ST3GAL3: variants seen among roughly 807,000 people sequenced by gnomAD.
The protein encoded by ST3GAL3 is ST3 beta-galactoside alpha-2,3-sialyltransferase 3.
A neutral mutation model predicts 50.1 loss-of-function variants in ST3GAL3; 21 were observed. The ratio of observed to expected loss-of-function variants is 0.42; its 90% CI spans 0.30 to 0.60. The LOEUF (loss-of-function observed/expected upper bound fraction) is 0.60. Among genes scored for constraint, ST3GAL3 ranks in the 20% least tolerant of loss-of-function variants. The probability of loss-of-function intolerance (pLI) is 0.19; values close to 1 mark genes in which losing one functional copy is unlikely to be tolerated. For missense variants in ST3GAL3, 353 were observed against 489.4 expected, an observed-to-expected ratio of 0.72 and a Z score of 2.63; for synonymous variants, 183 against 190.0, an observed-to-expected ratio of 0.96 and a Z score of 0.30.
chr1:43,819,367 A>C (rs916202649), intron 4 of ST3GAL3: 20 of 152,244 alleles, frequency 1.3e-4, no homozygotes, highest in African/African-American at 4.8e-4. Flanking sequence ...TGCTGGAATT[A>C]TAGGCGTGAG....
At chr1:43,869,776 T>G (rs2072202946) in intron 5 of ST3GAL3, among the ~76,000 whole-genome samples, 1 of 152,182 alleles carries the variant, frequency 6.6e-6, no homozygotes, top group East Asian at 1.9e-4. Flanking sequence ...GTTTCCTTTC[T>G]CTTTATCTTC....
At chr1:43,903,337 C>T (rs783301) in intron 9 of ST3GAL3, among the ~76,000 whole-genome samples, 14,540 of 152,234 alleles carry the variant, frequency 0.096, 913 homozygotes, top group South Asian at 0.23. Context: ...GCCTCCCATC[C>T]CCATCCCTCA....
rs543722174 is a variant in ST3GAL3, at chr1:43,795,304, T to C, written c.166+3155T>C. 2.0e-5 allele frequency among the ~76,000 whole-genome samples: 3 copies of C among 152,318 alleles called. No homozygotes were observed. In the South Asian group the frequency reaches 6.2e-4, roughly 32 times the overall value. ...CAAAGAATGAGAATTCAGACATTTT[T>C]CCACTGATTCCCTCTTAGTGGAAGA... On this transcript the variant is annotated intron_variant, in intron 3 of 11. Transcript: ENST00000347631.
intron 1 of ST3GAL3, among the ~76,000 whole-genome samples, chr1:43,735,166 T>G (rs558724337): frequency 6.6e-6 from 1 of 152,052 alleles, no homozygotes; most frequent in Non-Finnish European, 1.5e-5. Flanking sequence ...TCAGAGGAGT[T>G]GAGAATTGAA....
intron 5 of ST3GAL3, chr1:43,850,382 A>C: frequency 3.6e-6 from 2 of 557,890 alleles, no homozygotes; most frequent in South Asian, 2.9e-5. Flanking sequence ...CCTGGTATTT[A>C]TGCCCTGCTA....
chr1:43,779,941 C>A (rs1698810664), intron 2 of ST3GAL3, among the ~76,000 whole-genome samples: 1 of 152,148 alleles, frequency 6.6e-6, no homozygotes, highest in South Asian at 2.1e-4. Context: ...TTGAAGAACT[C>A]TCTTTGGGAG....
chr1:43,726,523 G>A (rs1571512953), intron 1 of ST3GAL3, among the ~76,000 whole-genome samples: 1 of 152,174 alleles, frequency 6.6e-6, no homozygotes, highest in South Asian at 2.1e-4. Context: ...TTGGCCTCAT[G>A]TGATCCTCCT....
Position 43,851,449 on chromosome 1 carries a change from G to A in ST3GAL3, c.302+13138G>A, listed in dbSNP as rs369560077. 1.9e-4 allele frequency: 300 copies of A among 1,610,426 alleles called. No homozygotes were observed. In the East Asian group the frequency reaches 3.1e-3, roughly 17 times the overall value. ...TTATAGGCCTGCAGGGCTCGCTTCT[G>A]ACAGAGGGTCTCCAGCTCATGAGTA... On this transcript the variant is annotated intron_variant, in intron 5 of 11. Coordinates refer to ENST00000347631, the MANE Select transcript of ST3GAL3 (RefSeq NM_006279.5).
At chr1:43,929,685 G>A (rs908178745) in intron 11 of ST3GAL3, among the ~76,000 whole-genome samples, 2 of 152,144 alleles carry the variant, frequency 1.3e-5, no homozygotes, top group Non-Finnish European at 2.9e-5. Flanking sequence ...TTCATCCGCC[G>A]CCCCCAGGCC....
At chr1:43,812,897 C>T (rs1216672901) in intron 3 of ST3GAL3, among the ~76,000 whole-genome samples, 1 of 151,564 alleles carries the variant, frequency 6.6e-6, no homozygotes, top group African/African-American at 2.4e-5. Context: ...GTGTGTGAAA[C>T]AAAACAAAAC....
chr1:43,899,644 G>A lies in ST3GAL3; in HGVS notation c.661G>A (p.Glu221Lys). 2 of 1,614,148 alleles carry A rather than the reference G, an allele frequency of 1.2e-6. No homozygotes were observed. The highest frequency in any genetic ancestry group is 1.1e-5 in the South Asian group (1 of 91,078). Residue 221 changes from glutamate (E) to lysine (K), a missense_variant, in exon 9 of 12, where the codon GAG (glutamate) becomes AAG (lysine). Transcript: ENST00000347631. The surrounding 1 kb of genome is among the most constrained non-coding windows in gnomAD (Gnocchi z 5.4). The stretch of plus-strand genomic sequence containing the variant: ...CGCCATGCAGCGGCCTGAGCAGTAC[G>A]AGCGCGATTCTCTCTTTGTCCTCGC... ...EGAMQRPEQYERDSLFVLAGF... is the reference protein window; with the variant it reads ...EGAMQRPEQYKRDSLFVLAGF...
chr1:43,829,678 T>C (rs2063273643), intron 4 of ST3GAL3, among the ~76,000 whole-genome samples: 1 of 152,220 alleles, frequency 6.6e-6, no homozygotes, highest in African/African-American at 2.4e-5. Context: ...TATCCTCGGC[T>C]GAGAATGCCC....
At chr1:43,743,075 C>T (rs764240292) in intron 2 of ST3GAL3, among the ~76,000 whole-genome samples, 70 of 120,112 alleles carry the variant, frequency 5.8e-4, no homozygotes, top group Non-Finnish European at 6.8e-4. Context: ...GGTGACAGAG[C>T]GAGACTCCGT....
intron 5 of ST3GAL3, among the ~76,000 whole-genome samples, chr1:43,870,168 A>T (rs2154245149): frequency 6.6e-6 from 1 of 152,358 alleles, no homozygotes; most frequent in African/African-American, 2.4e-5. Flanking sequence ...CTTCATCTGT[A>T]AATTAGGGGG....
At position 43,917,665 on chromosome 1, in the gene ST3GAL3, T is replaced by TA. The variant is rs1319149687; in HGVS notation, c.745-2738dup. Reference sequence around the variant, plus strand: ...ATAATATATAATATAATATATAATATATATTATATATATATATATTTTAAA... The same window carrying TA: ...ATAATATATAATATAATATATAATATAATATTATATATATATATATTTTAAA... On this transcript the variant is annotated intron_variant, in intron 9 of 11. Transcript: ENST00000347631. Among the ~76,000 whole-genome samples the TA allele has an allele frequency of 3.6e-4, 18 of 49,994 alleles. No individual in the cohort carries two copies. The East Asian group carries it at 8.1e-3, about 22-fold the overall frequency. The allele number at this position is 49,994 out of a possible 152,430, so 32.8% of individuals were successfully genotyped here. A position where few individuals can be genotyped will look rare whatever the true frequency, so the allele number is the denominator to read the frequency against.
chr1:43,782,240 A>AT (rs1367984106), intron 2 of ST3GAL3, among the ~76,000 whole-genome samples: 1 of 152,084 alleles, frequency 6.6e-6, no homozygotes, highest in African/African-American at 2.4e-5. Flanking sequence ...AGTCCTCACC[A>AT]TCCCACATCC....
chr1:43,748,232 T>A (rs537746878), intron 2 of ST3GAL3, among the ~76,000 whole-genome samples: 2 of 152,116 alleles, frequency 1.3e-5, no homozygotes, highest in South Asian at 4.1e-4. Flanking sequence ...AACAACATTA[T>A]TTGCAATAGC....
At chr1:43,817,882 CCTT>C (rs1211280384) in intron 4 of ST3GAL3, among the ~76,000 whole-genome samples, 1 of 149,694 alleles carries the variant, frequency 6.7e-6, no homozygotes, top group African/African-American at 2.5e-5. Flanking sequence ...TCCTCCTCCT[CCTT>C]CTTTCTTCTT....
At chr1:43,714,709 A>T (rs894991390) in intron 1 of ST3GAL3, among the ~76,000 whole-genome samples, 1 of 152,182 alleles carries the variant, frequency 6.6e-6, no homozygotes, top group Non-Finnish European at 1.5e-5. Flanking sequence ...TGACCATAAT[A>T]TACTCATCAG....
Sources: allele counts gnomAD v4.1 joint callset (sites outside exome capture counted in the v4.1 genomes callset), GRCh38; gene constraint gnomAD v4.1.1; non-coding constraint Gnocchi (gnomAD v3.1); transcripts MANE v1.5; gene names NCBI Gene and HGNC (gene_info 2026-07-23, HGNC 2026-07-21).